WFDC10B: variants seen among roughly 807,000 people sequenced by gnomAD.
WFDC10B encodes the protein protein WFDC10B.
Under a neutral mutation model 2.7 loss-of-function variants are expected in WFDC10B, and 1 was observed. The observed-to-expected ratio is 0.38, with a 90% CI of 0.13 to 1.79. The LOEUF (loss-of-function observed/expected upper bound fraction) is 1.79. Among genes scored for constraint, WFDC10B ranks in the 40% most tolerant of loss-of-function variants. The pLI is 0.33. For synonymous variants in WFDC10B, 26 were observed against 32.2 expected, an observed-to-expected ratio of 0.81 and a Z score of 0.65; for missense variants, 71 against 87.8, an observed-to-expected ratio of 0.81 and a Z score of 0.76.
intron 2 of WFDC10B, among the ~76,000 whole-genome samples, chr20:45,698,278 C>T (rs6104295): frequency 0.19 from 28,839 of 152,118 alleles, 2,986 homozygotes; most frequent in East Asian, 0.32. Context: ...GTAGAATTCA[C>T]ACTTCCTGAT....
At chr20:45,701,831 A>C (rs1984174765) in intron 2 of WFDC10B, among the ~76,000 whole-genome samples, 1 of 151,952 alleles carries the variant, frequency 6.6e-6, no homozygotes, top group African/African-American at 2.4e-5. Context: ...CACAGGGGAA[A>C]ATTATAAAAA....
intron 2 of WFDC10B, among the ~76,000 whole-genome samples, chr20:45,689,009 AT>A (rs1983720001): frequency 6.6e-6 from 1 of 150,452 alleles, no homozygotes; most frequent in African/African-American, 2.5e-5. Flanking sequence ...TCTTGAATTA[AT>A]TTTTGTATAA....
chr20:45,686,956 C>T (rs928605639), intron 2 of WFDC10B, among the ~76,000 whole-genome samples: 45 of 152,264 alleles, frequency 3.0e-4, no homozygotes, highest in African/African-American at 9.1e-4. Flanking sequence ...CCACCACACT[C>T]GGCCTAATTA....
chr20:45,692,990 T>C (rs183303514), intron 2 of WFDC10B, among the ~76,000 whole-genome samples: 7 of 152,284 alleles, frequency 4.6e-5, no homozygotes, highest in African/African-American at 4.8e-5. Flanking sequence ...GATGGTAATG[T>C]AGAGATGGGT....
At chr20:45,694,183 G>A (rs952739674) in intron 2 of WFDC10B, among the ~76,000 whole-genome samples, 1 of 152,180 alleles carries the variant, frequency 6.6e-6, no homozygotes, top group South Asian at 2.1e-4. Flanking sequence ...TGCTTTTGGT[G>A]ATTTTGTCAT....
Position 45,691,394 on chromosome 20 carries a change from T to C in WFDC10B, c.-64-5338A>G, listed in dbSNP as rs1446757951. Among the ~76,000 whole-genome samples the C allele has an allele frequency of 4.6e-5, 7 of 151,130 alleles. No homozygotes were observed. In the East Asian group the frequency reaches 1.4e-3, roughly 29 times the overall value. On this transcript the variant is annotated intron_variant, in intron 2 of 3. Transcript: ENST00000330523. ...TGAGTTCAATTCCTGGGTATCCTTG[T>C]TGACTTTCTGTCTCGTTGATCTGTC... is the stretch of plus-strand genomic sequence containing the variant.
At chr20:45,693,496 C>G (rs746720164) in intron 2 of WFDC10B, among the ~76,000 whole-genome samples, 2 of 152,212 alleles carry the variant, frequency 1.3e-5, no homozygotes, top group Non-Finnish European at 1.5e-5. Context: ...TGGAGCTTCC[C>G]GGCTGCTTTG....
chr20:45,701,955 T>C (rs940032842), intron 2 of WFDC10B: 3 of 616,178 alleles, frequency 4.9e-6, no homozygotes, highest in African/African-American at 1.8e-5. Flanking sequence ...TGGGTGTGAT[T>C]GGGAGGTGCT....
chr20:45,687,293 TGAG>T (rs1983652413), intron 2 of WFDC10B, among the ~76,000 whole-genome samples: 1 of 152,228 alleles, frequency 6.6e-6, no homozygotes, highest in Non-Finnish European at 1.5e-5. Flanking sequence ...ATTAGTTTGC[TGAG>T]GATAACGGCT....
intron 2 of WFDC10B, among the ~76,000 whole-genome samples, chr20:45,693,209 C>T (rs184702337): frequency 6.6e-6 from 1 of 152,290 alleles, no homozygotes; most frequent in Non-Finnish European, 1.5e-5. Context: ...GAGGAGTACC[C>T]AGCTGTGTGA....
chr20:45,704,873 C>A, intron 1 of WFDC10B, 45 bp downstream of exon 1: 2 of 1,594,010 alleles, frequency 1.3e-6, no homozygotes, highest in Non-Finnish European at 1.7e-6. Flanking sequence ...TATCCACAGA[C>A]CTTCCCCCGA....
intron 2 of WFDC10B, among the ~76,000 whole-genome samples, chr20:45,686,528 C>T (rs1983625141): frequency 7.2e-6 from 1 of 139,608 alleles, no homozygotes; most frequent in Non-Finnish European, 1.5e-5. Flanking sequence ...AAAGAAAAGA[C>T]ATAATTTTTT....
chr20:45,694,730 A>T (rs1983929106), intron 2 of WFDC10B, among the ~76,000 whole-genome samples: 1 of 152,118 alleles, frequency 6.6e-6, no homozygotes, highest in Non-Finnish European at 1.5e-5. Flanking sequence ...ATTCCACCTC[A>T]GTTTCTGCTA....
chr20:45,690,088 A>G (rs1212318820), intron 2 of WFDC10B, among the ~76,000 whole-genome samples: 2 of 152,156 alleles, frequency 1.3e-5, no homozygotes, highest in African/African-American at 4.8e-5. Context: ...TTCTGCATCT[A>G]TTGAGATAAT....
chr20:45,686,193 G>A (rs1983611682), intron 2 of WFDC10B, 137 bp from the exon 3 acceptor site: 2 of 1,028,590 alleles, frequency 1.9e-6, no homozygotes, highest in Admixed American at 3.0e-5. Flanking sequence ...ATGTAGGATA[G>A]GGCTTCTGCA....
chr20:45,702,005 G>A (rs749323133), intron 2 of WFDC10B: 10 of 881,856 alleles, frequency 1.1e-5, no homozygotes, highest in Non-Finnish European at 1.6e-5. Context: ...AGTACACGGT[G>A]AAAGGCTAGT....
At chr20:45,704,799 A>G (rs1984323388) in intron 1 of WFDC10B, 119 bp downstream of exon 1, 2 of 1,288,754 alleles carry the variant, frequency 1.6e-6, no homozygotes, top group Non-Finnish European at 1.1e-6. Flanking sequence ...CCCAATCACC[A>G]CATCCCATCA....
intron 2 of WFDC10B, among the ~76,000 whole-genome samples, chr20:45,688,061 T>C (rs1983685463): frequency 1.6e-5 from 2 of 128,196 alleles, no homozygotes; most frequent in South Asian, 5.1e-4. Context: ...AGTGTGATGT[T>C]CCCCTTCCTG....
At chr20:45,697,732 ATTTCTT>A (rs1984020760) in intron 2 of WFDC10B, among the ~76,000 whole-genome samples, 1 of 139,036 alleles carries the variant, frequency 7.2e-6, no homozygotes, top group Non-Finnish European at 1.6e-5. Context: ...TCCAACAGGT[ATTTCTT>A]TTTCTTTTTT....
Sources: allele counts gnomAD v4.1 joint callset (sites outside exome capture counted in the v4.1 genomes callset), GRCh38; gene constraint gnomAD v4.1.1; transcripts MANE v1.5; gene names NCBI Gene and HGNC (gene_info 2026-07-23, HGNC 2026-07-21).